FSTL4: variants seen among roughly 807,000 people sequenced by gnomAD.
FSTL4 encodes the protein follistatin like 4.
In FSTL4, 28 loss-of-function variants were observed where a neutral mutation model predicts 78.2. That is an observed-to-expected ratio of 0.36 (90% confidence interval 0.27 to 0.49). The LOEUF is 0.49. Among genes scored for constraint, FSTL4 ranks in the 20% least tolerant of loss-of-function variants. The pLI is 0.98. For missense variants in FSTL4, 922 were observed against 1,084.9 expected (o/e 0.85, Z 2.11); for synonymous variants, 422 against 440.5 (o/e 0.96, Z 0.53).
chr5:133,514,122 T>C (rs1001034581), intron 3 of FSTL4, among the ~76,000 whole-genome samples: 10 of 151,114 alleles, frequency 6.6e-5, no homozygotes, highest in Middle Eastern at 3.2e-3. Flanking sequence ...GAGCTTGCAA[T>C]GAGCCGAGAT....
At chr5:133,582,471 C>G (rs572088549) in intron 2 of FSTL4, among the ~76,000 whole-genome samples, 1 of 152,288 alleles carries the variant, frequency 6.6e-6, no homozygotes, top group South Asian at 2.1e-4. Context: ...AAACAGCATC[C>G]TGGTTGTGCC....
chr5:133,759,151 A>G, the FSTL4 span, among the ~76,000 whole-genome samples: 1 of 152,234 alleles, frequency 6.6e-6, no homozygotes, highest in African/African-American at 2.4e-5. Flanking sequence ...ACATACTCCA[A>G]CAGAAAAATG....
At chr5:133,220,140 G>A (rs912963583) in intron 12 of FSTL4, among the ~76,000 whole-genome samples, 2 of 152,342 alleles carry the variant, frequency 1.3e-5, no homozygotes, top group East Asian at 3.9e-4. Flanking sequence ...GTACAACTGA[G>A]GACACACTGT....
chr5:133,557,686 A>T (rs1180150897), intron 3 of FSTL4, among the ~76,000 whole-genome samples: 3 of 152,208 alleles, frequency 2.0e-5, no homozygotes, highest in Non-Finnish European at 4.4e-5. Flanking sequence ...GGCACTCACC[A>T]TGAAGGGGAA....
chr5:133,353,608 G>A (rs1754876717), intron 4 of FSTL4, among the ~76,000 whole-genome samples: 1 of 151,958 alleles, frequency 6.6e-6, no homozygotes, highest in Non-Finnish European at 1.5e-5. Context: ...GTGGGGGTGG[G>A]ACAACCAGAG....
At chr5:133,207,295 CCTA>C (rs1309381921) in intron 14 of FSTL4, among the ~76,000 whole-genome samples, 2 of 152,200 alleles carry the variant, frequency 1.3e-5, no homozygotes, top group South Asian at 2.1e-4. Flanking sequence ...CTGTTCAGCA[CCTA>C]CTGTCTCTCA....
intron 12 of FSTL4, among the ~76,000 whole-genome samples, chr5:133,220,245 C>T (rs903211819): frequency 6.6e-6 from 1 of 152,248 alleles, no homozygotes; most frequent in African/African-American, 2.4e-5. Flanking sequence ...TCCTGCAAGG[C>T]CAAGTGGGAA....
intron 1 of FSTL4, 27 bp from the exon 2 acceptor site, chr5:133,604,020 A>T: frequency 6.4e-7 from 1 of 1,555,304 alleles, no homozygotes; most frequent in Non-Finnish European, 8.9e-7. Flanking sequence ...AAATGCTGAG[A>T]ATAAAACATT....
chr5:133,516,777 GA>G (rs751060679), intron 3 of FSTL4, among the ~76,000 whole-genome samples: 14 of 152,122 alleles, frequency 9.2e-5, no homozygotes, highest in Non-Finnish European at 1.9e-4. Context: ...ATGGCAGCAG[GA>G]ACAGGCAGAT....
At chr5:133,224,110 G>T in intron 11 of FSTL4, 80 bp downstream of exon 11, 1 of 1,106,096 alleles carries the variant, frequency 9.0e-7, no homozygotes, top group Non-Finnish European at 1.4e-6. Flanking sequence ...AAAGCTGGTG[G>T]CAGATCATGG....
chr5:133,755,491 T>C, the FSTL4 span, among the ~76,000 whole-genome samples: 1 of 152,002 alleles, frequency 6.6e-6, no homozygotes, highest in Non-Finnish European at 1.5e-5. Flanking sequence ...AAGCACCTCT[T>C]CCATCAGACC....
the FSTL4 span, among the ~76,000 whole-genome samples, chr5:133,788,305 T>G: frequency 1.3e-5 from 2 of 152,198 alleles, no homozygotes; most frequent in African/African-American, 2.4e-5. Context: ...TTCGCTTCGG[T>G]TTCCGTGGCT....
At chr5:133,348,624 G>A (rs1308135688) in intron 4 of FSTL4, among the ~76,000 whole-genome samples, 1 of 152,188 alleles carries the variant, frequency 6.6e-6, no homozygotes, top group Non-Finnish European at 1.5e-5. Flanking sequence ...AGGTGACTGG[G>A]CGGGAGTGGG....
chr5:133,798,970 A>AGGAAGGG, the FSTL4 span, among the ~76,000 whole-genome samples: 75 of 61,880 alleles, frequency 1.2e-3, no homozygotes, highest in African/African-American at 7.9e-3. Flanking sequence ...GGGAGGGAGG[A>AGGAAGGG]AGGGAGGGAG....
chr5:133,738,770 A>T, the FSTL4 span, among the ~76,000 whole-genome samples: 1 of 151,984 alleles, frequency 6.6e-6, no homozygotes, highest in African/African-American at 2.4e-5. Context: ...AGCCAGAAAG[A>T]CCCCAGAGTT....
rs116124960 is a variant in FSTL4 at position 133,513,713 on chromosome 5, C to T, written c.160+53473G>A. On this transcript the variant is annotated intron_variant, in intron 3 of 15. Transcript: ENST00000265342. ...CACTTCTTTTTCAGTGGTAAGTACA[C>T]GAGATTTAAACCCAACATGAGGCCT... is the stretch of plus-strand genomic sequence containing the variant. Among the ~76,000 whole-genome samples, 933 of 152,200 alleles carry T rather than the reference C, an allele frequency of 6.1e-3. 4 individuals carry two copies. Among genetic ancestry groups the T allele is most frequent in the Middle Eastern group, 0.031 (9 of 294 alleles).
At chr5:133,428,256 G>C (rs1756868058) in intron 3 of FSTL4, among the ~76,000 whole-genome samples, 1 of 152,196 alleles carries the variant, frequency 6.6e-6, no homozygotes, top group Non-Finnish European at 1.5e-5. Context: ...ATGCCAGACA[G>C]ATGATGTAAT....
chr5:133,632,095 A>G, the FSTL4 span, among the ~76,000 whole-genome samples: 1 of 152,216 alleles, frequency 6.6e-6, no homozygotes, highest in Non-Finnish European at 1.5e-5. Context: ...ATGTATACCT[A>G]TGTAACAAAC....
chr5:133,503,926 G>C (rs574977610), intron 3 of FSTL4, among the ~76,000 whole-genome samples: 3 of 152,186 alleles, frequency 2.0e-5, no homozygotes, highest in Admixed American at 1.3e-4. Flanking sequence ...GGTAACTTAC[G>C]ATCATGGCAG....
Sources: allele counts gnomAD v4.1 joint callset (sites outside exome capture counted in the v4.1 genomes callset), GRCh38; gene constraint gnomAD v4.1.1; transcripts MANE v1.5; gene names NCBI Gene and HGNC (gene_info 2026-07-23, HGNC 2026-07-21).